The following CNBD1 variants were observed in gnomAD, a reference collection of about 807,000 sequenced individuals.
CNBD1 encodes the protein cyclic nucleotide binding domain containing 1.
A neutral mutation model predicts 54.4 loss-of-function variants in CNBD1; 71 were observed. The observed-to-expected ratio is 1.30, with a 90% confidence interval of 1.08 to 1.59. The LOEUF (loss-of-function observed/expected upper bound fraction) is 1.59. CNBD1 is among the 40% of genes most tolerant of loss of function. The pLI is 0.00. For synonymous variants in CNBD1, 182 were observed against 170.7 expected (o/e 1.07, Z -0.51); for missense variants, 659 against 518.0 (o/e 1.27, Z -2.64).
At chr8:87,037,433 T>C (rs1809972804) in intron 4 of CNBD1, among the ~76,000 whole-genome samples, 1 of 152,160 alleles carries the variant, frequency 6.6e-6, no homozygotes, top group African/African-American at 2.4e-5. Context: ...TTTCCATTTT[T>C]CAGAAACTCA....
intron 4 of CNBD1, among the ~76,000 whole-genome samples, chr8:87,195,959 C>G (rs1813713617): frequency 6.6e-6 from 1 of 152,110 alleles, no homozygotes. Flanking sequence ...GTTTTTTTGG[C>G]ACGCATCCTA....
chr8:87,241,479 A>G lies in CNBD1; in HGVS notation c.771+4367A>G, dbSNP rs546279508. 3.7e-3 allele frequency among the ~76,000 whole-genome samples: 563 copies of G among 152,016 alleles called. 4 individuals carry two copies. Among genetic ancestry groups the G allele is most frequent in the Non-Finnish European group, 5.7e-3 (389 of 67,944 alleles). ...AGTAGAGACGGGGTTTCACCGTGTT[A>G]GCCAGGATCGTCTTGATCTCCTGAC... On this transcript the variant is annotated intron_variant, in intron 6 of 10. Transcript: ENST00000518476.
chr8:86,939,220 T>A (rs1282397194), intron 3 of CNBD1, among the ~76,000 whole-genome samples: 1 of 152,030 alleles, frequency 6.6e-6, no homozygotes, highest in Non-Finnish European at 1.5e-5. Context: ...TTATCCTTGG[T>A]GCTAAAAAAA....
intron 4 of CNBD1, among the ~76,000 whole-genome samples, chr8:87,173,976 T>G (rs1010079072): frequency 9.9e-5 from 15 of 151,882 alleles, no homozygotes; most frequent in Admixed American, 7.2e-4. Context: ...TTATTATTAT[T>G]TTTGATGGAG....
In CNBD1 at chr8:87,206,203, T is replaced by C. The variant is rs879092603; in HGVS notation, c.577+65T>C. 68 of 1,252,234 alleles carry C rather than the reference T, an allele frequency of 5.4e-5. No homozygotes were observed. In the South Asian group the frequency reaches 6.5e-4, roughly 12 times the overall value. 77.6% of individuals were successfully genotyped at this position (1,252,234 alleles called of 1,614,324 possible). On this transcript the variant is annotated intron_variant, in intron 5 of 10. Transcript: ENST00000518476. ...GCAGGCCACTGTTTCGAGTTCTTTA[T>C]CATTATAATGCTTATAATTTCACTT...
At chr8:87,027,058 A>T in intron 4 of CNBD1, among the ~76,000 whole-genome samples, 1 of 152,190 alleles carries the variant, frequency 6.6e-6, no homozygotes, top group Non-Finnish European at 1.5e-5. Flanking sequence ...CTTGAAAAAT[A>T]CTTTGGGCTT....
chr8:86,885,590 A>T (rs1312118615), intron 1 of CNBD1, among the ~76,000 whole-genome samples: 3 of 152,210 alleles, frequency 2.0e-5, no homozygotes, highest in Non-Finnish European at 2.9e-5. Context: ...ATCACAAGAA[A>T]AGCTCAACAT....
intron 2 of CNBD1, among the ~76,000 whole-genome samples, chr8:87,392,180 T>C (rs1250394221): frequency 6.6e-6 from 1 of 151,972 alleles, no homozygotes; most frequent in East Asian, 1.9e-4. Flanking sequence ...TGTGAAAAAA[T>C]TCGTGCTCTC....
chr8:86,867,160 T>C (rs1283204670), intron 1 of CNBD1, among the ~76,000 whole-genome samples: 5 of 152,214 alleles, frequency 3.3e-5, no homozygotes, highest in Admixed American at 6.5e-5. Context: ...TCATTTTATG[T>C]AATTAGTCTA....
Position 87,279,093 on chromosome 8 carries a change from T to C in CNBD1, c.772-5585T>C, listed in dbSNP as rs1013865574. ...TGCCTAATTTATAAAGTAAACTTTATCATAGATACATATGTAAAGAAAAAA... is the reference window on the plus strand; with the variant it reads ...TGCCTAATTTATAAAGTAAACTTTACCATAGATACATATGTAAAGAAAAAA... On this transcript the variant is annotated intron_variant, in intron 6 of 10. Transcript: ENST00000518476. 6.6e-5 allele frequency among the ~76,000 whole-genome samples: 10 copies of C among 151,500 alleles called. No homozygotes were observed. In the East Asian group the frequency reaches 1.4e-3, roughly 21 times the overall value.
chr8:87,139,184 C>T (rs1812322038), intron 4 of CNBD1, among the ~76,000 whole-genome samples: 1 of 152,156 alleles, frequency 6.6e-6, no homozygotes, highest in South Asian at 2.1e-4. Flanking sequence ...TAGGCCTTGG[C>T]TTTAAAGCCC....
intron 4 of CNBD1, among the ~76,000 whole-genome samples, chr8:87,095,955 G>C (rs1368071980): frequency 6.6e-6 from 1 of 152,164 alleles, no homozygotes; most frequent in Admixed American, 6.5e-5. Context: ...ACAACGCCCG[G>C]CCCTGTTATT....
intron 6 of CNBD1, among the ~76,000 whole-genome samples, chr8:87,247,477 C>T (rs1035559336): frequency 2.0e-5 from 3 of 152,196 alleles, no homozygotes; most frequent in Non-Finnish European, 2.9e-5. Context: ...GCTTTGAATG[C>T]AATTACTTTA....
Position 87,043,187 on chromosome 8 carries a change from G to T in CNBD1, c.431+103433G>T, listed in dbSNP as rs189246517. Among the ~76,000 whole-genome samples, 63 of 152,164 alleles carry T rather than the reference G, an allele frequency of 4.1e-4. 3 individuals are homozygous for T. The highest frequency in any genetic ancestry group is 7.3e-5 in the Non-Finnish European group (5 of 68,040). On this transcript the variant is annotated intron_variant, in intron 4 of 10. Coordinates refer to ENST00000518476, the MANE Select transcript of CNBD1 (RefSeq NM_173538.3). The stretch of plus-strand genomic sequence containing the variant: ...GAACAGGTTGTTGTGCCAATGGAAT[G>T]AGGTGGTTGTACCTGTAGGTTGTTT...
chr8:87,189,578 T>G (rs939213072), intron 4 of CNBD1, among the ~76,000 whole-genome samples: 2 of 152,182 alleles, frequency 1.3e-5, no homozygotes, highest in Non-Finnish European at 2.9e-5. Flanking sequence ...ATTAGTAATC[T>G]ATTTTCTAAT....
chr8:87,086,720 A>C (rs928164925), intron 4 of CNBD1, among the ~76,000 whole-genome samples: 1 of 152,168 alleles, frequency 6.6e-6, no homozygotes, highest in African/African-American at 2.4e-5. Context: ...TTATTTACTG[A>C]AAATACAAAT....
chr8:86,962,263 A>G (rs961057300), intron 4 of CNBD1, among the ~76,000 whole-genome samples: 6 of 152,248 alleles, frequency 3.9e-5, no homozygotes, highest in Admixed American at 3.3e-4. Context: ...TTCCAGAAAA[A>G]GAAGATCCAT....
intron 10 of CNBD1, among the ~76,000 whole-genome samples, chr8:87,354,867 C>A (rs751181515): frequency 6.6e-6 from 1 of 151,916 alleles, no homozygotes; most frequent in Non-Finnish European, 1.5e-5. Flanking sequence ...CAATAACATA[C>A]GTATGCATTT....
At chr8:87,016,634 T>C (rs1276760842) in intron 4 of CNBD1, among the ~76,000 whole-genome samples, 1 of 152,126 alleles carries the variant, frequency 6.6e-6, no homozygotes, top group Non-Finnish European at 1.5e-5. Context: ...AAAACTTTAG[T>C]GGATTGTAGA....
Sources: allele counts gnomAD v4.1 joint callset (sites outside exome capture counted in the v4.1 genomes callset), GRCh38; gene constraint gnomAD v4.1.1; transcripts MANE v1.5; gene names NCBI Gene and HGNC (gene_info 2026-07-23, HGNC 2026-07-21).